Variants in GSE1 observed in about 807,000 individuals in gnomAD.
GSE1 encodes genetic suppressor element 1.
GSE1 carries 32 observed loss-of-function variants against 112.6 expected under a neutral mutation model. The ratio of observed to expected loss-of-function variants is 0.28; its 90% CI spans 0.21 to 0.38. The LOEUF (loss-of-function observed/expected upper bound fraction) is 0.38. Ranked by LOEUF, GSE1 falls within the 10% of genes least tolerant of loss-of-function variation. The pLI is 1.00. For synonymous variants in GSE1, 1,115 were observed against 735.6 expected (o/e 1.52, Z -8.35); for missense variants, 2,348 against 1,699.2 (o/e 1.38, Z -6.71).
intron 1 of GSE1, among the ~76,000 whole-genome samples, chr16:85,329,835 G>C (rs1051375693): frequency 6.6e-6 from 1 of 150,792 alleles, no homozygotes. Flanking sequence ...GGACGGGAGG[G>C]GAGGGAATGT....
At chr16:85,375,307 C>G (rs2047394650) in intron 2 of GSE1, among the ~76,000 whole-genome samples, 3 of 152,142 alleles carry the variant, frequency 2.0e-5, no homozygotes, top group South Asian at 4.1e-4. Flanking sequence ...ATGCCTTGGC[C>G]CTGCCAAGTC....
rs187469843 is a variant in GSE1, at chr16:85,572,695, G to A, written c.37+16332G>A. Among the ~76,000 whole-genome samples, 220 of 152,276 alleles carry A rather than the reference G, an allele frequency of 1.4e-3. 2 individuals carry two copies. Among genetic ancestry groups the A allele is most frequent in the Admixed American group, 8.4e-3 (129 of 15,298 alleles). Reference sequence around the variant, plus strand: ...CTCCGGAACCCAGTTCTCCTCCCTCGGTTTCCGAGGGCTCCCCCAACCCTA... The same window carrying A: ...CTCCGGAACCCAGTTCTCCTCCCTCAGTTTCCGAGGGCTCCCCCAACCCTA... On this transcript the variant is annotated intron_variant, in intron 1 of 2. Transcript: ENST00000635906.
intron 1 of GSE1, among the ~76,000 whole-genome samples, chr16:85,558,053 A>G (rs886311543): frequency 1.6e-4 from 24 of 152,072 alleles, no homozygotes; most frequent in African/African-American, 4.8e-4. Flanking sequence ...GATCCAATCC[A>G]AATTAGAACC....
chr16:85,605,282 C>G (rs1229520402), intron 1 of GSE1, among the ~76,000 whole-genome samples: 1 of 152,030 alleles, frequency 6.6e-6, no homozygotes, highest in East Asian at 1.9e-4. Flanking sequence ...ATTCCAAGGC[C>G]TCTCCTAATG....
intron 1 of GSE1, among the ~76,000 whole-genome samples, chr16:85,625,722 T>C (rs1417822990): frequency 2.0e-5 from 3 of 151,898 alleles, no homozygotes; most frequent in Non-Finnish European, 4.4e-5. Context: ...GCTTCAAGGG[T>C]GTCGTGGGGC....
chr16:85,260,317 T>C (rs1026877193), intron 1 of GSE1, among the ~76,000 whole-genome samples: 7 of 127,952 alleles, frequency 5.5e-5, no homozygotes, highest in African/African-American at 2.4e-4. Flanking sequence ...TCTTTTTCTT[T>C]TCTTTTTTTT....
rs562032539 is a variant in GSE1, at chr16:85,455,799, G to C, written c.2464+98156G>C. ...CCATCCACGTGCAGGCAGCTGTCTG[G>C]GGGTGAAAGCGTCACGCTCTCTCTC... On this transcript the variant is annotated intron_variant, in intron 2 of 2. Transcript: ENST00000637419. 3.9e-5 allele frequency among the ~76,000 whole-genome samples: 6 copies of C among 152,332 alleles called. No individual in the cohort carries two copies. In the South Asian group the frequency reaches 1.2e-3, roughly 32 times the overall value.
At chr16:85,463,051 C>T (rs2050018382) in intron 2 of GSE1, 1 of 980,364 alleles carries the variant, frequency 1.0e-6, no homozygotes, top group Admixed American at 6.2e-5. Flanking sequence ...TCCTAGAGGC[C>T]CCGGGTCCCG....
chr16:85,290,034 T>C lies in GSE1; in HGVS notation c.2284-67429T>C, dbSNP rs149739512. Among the ~76,000 whole-genome samples the C allele has an allele frequency of 3.5e-3, 528 of 152,256 alleles. 1 individual carries two copies. Among genetic ancestry groups the C allele is most frequent in the African/African-American group, 0.012 (514 of 41,544 alleles). Reference sequence around the variant, plus strand: ...TTAAGAAGGCCGGGGAGCAGAGGTCTTGGGTGCAGAACCCAGCGGGGAAGT... The same window carrying C: ...TTAAGAAGGCCGGGGAGCAGAGGTCCTGGGTGCAGAACCCAGCGGGGAAGT... On this transcript the variant is annotated intron_variant, in intron 1 of 2. Transcript: ENST00000637419.
intron 1 of GSE1, among the ~76,000 whole-genome samples, chr16:85,192,602 C>A (rs2074846401): frequency 6.6e-6 from 1 of 152,176 alleles, no homozygotes; most frequent in Non-Finnish European, 1.5e-5. Flanking sequence ...CTGGGCCTGT[C>A]CCCCTCACCC....
At chr16:85,585,447 A>G (rs972849184) in intron 1 of GSE1, among the ~76,000 whole-genome samples, 4 of 152,190 alleles carry the variant, frequency 2.6e-5, no homozygotes, top group African/African-American at 9.6e-5. Context: ...GTGAGACCCC[A>G]TGGAGTACGC....
chr16:85,621,768 A>T (rs2048758867), intron 1 of GSE1, among the ~76,000 whole-genome samples: 1 of 152,088 alleles, frequency 6.6e-6, no homozygotes, highest in African/African-American at 2.4e-5. Context: ...TATCCACTGG[A>T]GAGACTGTTG....
intron 1 of GSE1, among the ~76,000 whole-genome samples, chr16:85,288,239 CA>C (rs927787455): frequency 6.7e-6 from 1 of 149,694 alleles, no homozygotes; most frequent in South Asian, 2.1e-4. Context: ...GAATCTGACC[CA>C]AAAAAAAAGA....
intron 1 of GSE1, among the ~76,000 whole-genome samples, chr16:85,336,574 T>G (rs1300880446): frequency 6.6e-6 from 1 of 151,584 alleles, no homozygotes; most frequent in African/African-American, 2.4e-5. Flanking sequence ...CATGTTCATG[T>G]GTGCACAGGA....
chr16:85,454,200 C>A (rs2049761606), intron 2 of GSE1, among the ~76,000 whole-genome samples: 1 of 152,218 alleles, frequency 6.6e-6, no homozygotes, highest in African/African-American at 2.4e-5. Flanking sequence ...TGTGTGGAGC[C>A]TTTCCATACA....
At chr16:85,226,644 T>C (rs2075490957) in intron 1 of GSE1, among the ~76,000 whole-genome samples, 1 of 152,142 alleles carries the variant, frequency 6.6e-6, no homozygotes, top group Non-Finnish European at 1.5e-5. Context: ...GAGGTTTAGA[T>C]AGAATGGAGT....
chr16:85,507,140 C>G (rs1052291864), intron 2 of GSE1, among the ~76,000 whole-genome samples: 7 of 152,212 alleles, frequency 4.6e-5, no homozygotes, highest in Admixed American at 1.3e-4. Context: ...GTCGTCGACG[C>G]TCGCCGGCCC....
At chr16:85,549,079 G>T (rs977974179) in intron 2 of GSE1, among the ~76,000 whole-genome samples, 2 of 152,016 alleles carry the variant, frequency 1.3e-5, no homozygotes, top group South Asian at 2.1e-4. Context: ...GAGCCACCGC[G>T]CCCGGCCTGG....
At position 85,662,991 on chromosome 16, in the gene GSE1, C is replaced by T. The variant is rs751505719; in HGVS notation, c.2271C>T (p.Tyr757=). The T allele has an allele frequency of 1.9e-5, 30 of 1,605,762 alleles. No homozygotes were observed. The highest frequency in any genetic ancestry group is 6.7e-5 in the East Asian group (3 of 44,838). ...RREAQEKGYY[Y]DLDDSYDESD... is the part of the protein sequence containing the mutation. ...CCATTTCTCCATCAGGGTACTACTACGACCTCGATGACTCTTACGACGAGA... is the reference window on the plus strand; with the variant it reads ...CCATTTCTCCATCAGGGTACTACTATGACCTCGATGACTCTTACGACGAGA... The change falls in exon 10 of 16, where the codon TAC becomes TAT. Residue 757 remains tyrosine, a synonymous_variant. Coordinates refer to ENST00000253458, the MANE Select transcript of GSE1 (RefSeq NM_014615.5).
Sources: allele counts gnomAD v4.1 joint callset (sites outside exome capture counted in the v4.1 genomes callset), GRCh38; gene constraint gnomAD v4.1.1; transcripts MANE v1.5; gene names NCBI Gene and HGNC (gene_info 2026-07-23, HGNC 2026-07-21).